RNF187: variants seen among roughly 807,000 people sequenced by gnomAD.
RNF187 encodes ring finger protein 187.
RNF187 carries 18 observed loss-of-function variants against 22.2 expected under a neutral mutation model. That is an observed-to-expected ratio of 0.81 (90% CI 0.56 to 1.20). RNF187 has a LOEUF of 1.20. RNF187 is among the 50% of genes most tolerant of loss of function. RNF187 has a pLI of 0.00. For synonymous variants in RNF187, 164 were observed against 140.9 expected (o/e 1.16, Z -1.16); for missense variants, 329 against 317.6 (o/e 1.04, Z -0.27).
At chr1:228,488,902 G>T in intron 1 of RNF187, 58 bp from the exon 2 acceptor site, 1 of 1,368,412 alleles carries the variant, frequency 7.3e-7, no homozygotes. Flanking sequence ...TCAGTACTGG[G>T]CTGGGTTGGG....
Position 228,493,826 on chromosome 1 carries a change from T to G in RNF187, c.706-57T>G. 2.0e-6 allele frequency: 3 copies of G among 1,532,334 alleles called. No homozygotes were observed. 94.9% of individuals were successfully genotyped at this position (1,532,334 alleles called of 1,614,324 possible). ...CTCTCCTTTTGCCTCTGTCTCTGAC[T>G]CTGTGTGTCTCTTTCTCTTTTTGTC... On this transcript the variant is annotated intron_variant, in intron 3 of 3. Transcript: ENST00000305943. This position sits in a 1 kb window ranked among gnomAD's most constrained non-coding sequence, Gnocchi z 4.7.
In RNF187 at chr1:228,487,854, C is replaced by T. The variant is rs1451545775; in HGVS notation, c.366C>T (p.Arg122=). ...CCGAGCCGCCCGAGTGGGAACCGCG[C>T]TGGAGGAAGGCGCTGCGCGGCAAGG... is the stretch of plus-strand genomic sequence containing the variant. Residue 122 remains arginine (R), a synonymous_variant, in exon 1 of 4, where the codon CGC becomes CGT. Transcript: ENST00000305943. The T allele has an allele frequency of 4.1e-6, 5 of 1,231,830 alleles. No homozygotes were observed. Among genetic ancestry groups the T allele is most frequent in the Non-Finnish European group, 4.1e-6 (4 of 981,832 alleles). 76.3% of individuals were successfully genotyped at this position (1,231,830 alleles called of 1,614,324 possible).
chr1:228,494,356 T>G lies in RNF187; in HGVS notation c.*471T>G. 9.7e-7 allele frequency: 1 copy of G among 1,026,340 alleles called. No homozygotes were observed. Among genetic ancestry groups the G allele is most frequent in the Non-Finnish European group, 1.2e-6 (1 of 853,632 alleles). The allele number at this position is 1,026,340 out of a possible 1,614,324, so 63.6% of individuals were successfully genotyped here. On this transcript the variant is annotated 3_prime_UTR_variant, in exon 4 of 4. Transcript: ENST00000305943. Reference sequence around the variant, plus strand: ...CATGACGCTCTGTGAAGGCTGGAACTCAGGTCTTCAGGGAGAGAAAGGAAG... The same window carrying G: ...CATGACGCTCTGTGAAGGCTGGAACGCAGGTCTTCAGGGAGAGAAAGGAAG...
At chr1:228,490,632 C>T in intron 2 of RNF187, among the ~76,000 whole-genome samples, 1,932 of 152,328 alleles carry the variant, frequency 0.013, 38 homozygotes, top group African/African-American at 0.036. Context: ...TTTGCATTCT[C>T]AGCAACAAAA....
At chr1:228,488,822 C>A in intron 1 of RNF187, 138 bp from the exon 2 acceptor site, 1 of 673,456 alleles carries the variant, frequency 1.5e-6, no homozygotes, top group Admixed American at 2.5e-5. Flanking sequence ...CGTTCCTGCC[C>A]TAGACAACCG....
chr1:228,489,084 G>A, intron 2 of RNF187, 32 bp downstream of exon 2: 1 of 1,516,782 alleles, frequency 6.6e-7, no homozygotes, highest in Non-Finnish European at 8.9e-7. Context: ...AGCCTGGAAT[G>A]AGGGGACTGT....
intron 1 of RNF187, among the ~76,000 whole-genome samples, 157 bp from the exon 2 acceptor site, chr1:228,488,803 C>G: frequency 1.2e-4 from 19 of 152,274 alleles, no homozygotes; most frequent in Non-Finnish European, 2.5e-4. Context: ...AACCTTTTGA[C>G]TGCCTGTGCG....
Position 228,494,428 on chromosome 1 carries a change from A to G in RNF187, c.*543A>G. On this transcript the variant is annotated 3_prime_UTR_variant, in exon 4 of 4. Transcript: ENST00000305943. ...TCCTGAGGAGGCGGCCCCCCTCTTG[A>G]GGTGGGCGTGGGCCCGGCCCAGCCT... 1.0e-5 allele frequency: 10 copies of G among 994,540 alleles called. No homozygotes were observed. The highest frequency in any genetic ancestry group is 1.2e-5 in the Non-Finnish European group (10 of 834,952). 61.6% of individuals were successfully genotyped at this position (994,540 alleles called of 1,614,324 possible).
chr1:228,494,056 G>A lies in RNF187; in HGVS notation c.*171G>A. ...CCATTTATCCTTCACCCCGAGGCGT[G>A]TTTTGGGGGCTGCAAACACCTCCCG... On this transcript the variant is annotated 3_prime_UTR_variant, in exon 4 of 4. Coordinates refer to ENST00000305943, the MANE Select transcript of RNF187 (RefSeq NM_001010858.3). The A allele has an allele frequency of 6.6e-7, 1 of 1,510,766 alleles. No individual in the cohort carries two copies. Among genetic ancestry groups the A allele is most frequent in the East Asian group, 2.5e-5 (1 of 40,516 alleles). The allele number at this position is 1,510,766 out of a possible 1,614,324, so 93.6% of individuals were successfully genotyped here.
At position 228,494,890 on chromosome 1, in the gene RNF187, G is replaced by T; in HGVS notation, c.*1005G>T. 1 of 985,280 alleles carries T rather than the reference G, an allele frequency of 1.0e-6. No homozygotes were observed. 61.0% of individuals were successfully genotyped at this position (985,280 alleles called of 1,614,324 possible). A position where few individuals can be genotyped will look rare whatever the true frequency, so the allele number is the denominator to read the frequency against. ...AGCCTTTCAGCCCTTCTGAGTCCCC[G>T]GCCCTTGGTGCGATGTCTGTGAGTT... On this transcript the variant is annotated 3_prime_UTR_variant, in exon 4 of 4. Coordinates refer to ENST00000305943, the MANE Select transcript of RNF187 (RefSeq NM_001010858.3).
Position 228,493,491 on chromosome 1 carries a change from C to T in RNF187, c.705+217C>T. 1.3e-5 allele frequency among the ~76,000 whole-genome samples: 2 copies of T among 152,228 alleles called. No homozygotes were observed. Among genetic ancestry groups the T allele is most frequent in the Non-Finnish European group, 2.9e-5 (2 of 68,036 alleles). On this transcript the variant is annotated intron_variant, in intron 3 of 3. Transcript: ENST00000305943. This position sits in a 1 kb window ranked among gnomAD's most constrained non-coding sequence, Gnocchi z 4.7. ...GAGGAGGGTCTGAGGTGTCCCTGAC[C>T]TTCACAAAGGAGGGCACTTGGCATC...
In RNF187 at chr1:228,495,048, C is replaced by G; in HGVS notation, c.*1163C>G. The stretch of plus-strand genomic sequence containing the variant: ...CACCCTCCAGTGTCAAAGGAAACTT[C>G]CTCGTGACACGTGCTAAAGCATGGT... On this transcript the variant is annotated 3_prime_UTR_variant, in exon 4 of 4. Transcript: ENST00000305943. 1 of 984,490 alleles carries G rather than the reference C, an allele frequency of 1.0e-6. No individual in the cohort carries two copies. Among genetic ancestry groups the G allele is most frequent in the African/African-American group, 1.7e-5 (1 of 57,336 alleles). The allele number at this position is 984,490 out of a possible 1,614,324, so 61.0% of individuals were successfully genotyped here.
chr1:228,488,819 G>GCCCTAGACAAC, intron 1 of RNF187, 141 bp from the exon 2 acceptor site: 1 of 660,102 alleles, frequency 1.5e-6, no homozygotes, highest in Non-Finnish European at 2.6e-6. Context: ...GTGCGTTCCT[G>GCCCTAGACAAC]CCCTAGACAA....
chr1:228,495,680 A>G lies in RNF187; in HGVS notation c.*1795A>G. The G allele has an allele frequency of 5.1e-6, 5 of 985,480 alleles. No individual in the cohort carries two copies. The highest frequency in any genetic ancestry group is 6.0e-6 in the Non-Finnish European group (5 of 829,918). The allele number at this position is 985,480 out of a possible 1,614,324, so 61.0% of individuals were successfully genotyped here. ...GTCCGACAGTGGCTTCACCATCCTC[A>G]CCTAACCTAGCTGACCAGCAACATC... On this transcript the variant is annotated 3_prime_UTR_variant, in exon 4 of 4. Coordinates refer to ENST00000305943, the MANE Select transcript of RNF187 (RefSeq NM_001010858.3).
At position 228,487,496 on chromosome 1, in the gene RNF187, T is replaced by A; in HGVS notation, c.8T>A (p.Leu3His). Reference sequence around the variant, plus strand: ...GCCCCGCCGCCCGCAGCCCTGGCGCTCCCTGCGGGCCCCGCCGAGGCCGCC... The same window carrying A: ...GCCCCGCCGCCCGCAGCCCTGGCGCACCCTGCGGGCCCCGCCGAGGCCGCC... Residue 3 changes from leucine to histidine, a missense_variant, in exon 1 of 4, where the codon CTC becomes CAC. Coordinates refer to ENST00000305943, the MANE Select transcript of RNF187 (RefSeq NM_001010858.3). 8.9e-7 allele frequency: 1 copy of A among 1,128,028 alleles called. No homozygotes were observed. The highest frequency in any genetic ancestry group is 1.1e-6 in the Non-Finnish European group (1 of 924,446). The allele number at this position is 1,128,028 out of a possible 1,614,324, so 69.9% of individuals were successfully genotyped here.
chr1:228,494,400 G>A lies in RNF187; in HGVS notation c.*515G>A. ...AAGGAAGACTGGATTGCACCTTGAT[G>A]CCTCCTGAGGAGGCGGCCCCCCTCT... On this transcript the variant is annotated 3_prime_UTR_variant, in exon 4 of 4. Transcript: ENST00000305943. 6.0e-6 allele frequency: 6 copies of A among 1,003,222 alleles called. No individual in the cohort carries two copies. The highest frequency in any genetic ancestry group is 7.1e-6 in the Non-Finnish European group (6 of 839,802). 62.1% of individuals were successfully genotyped at this position (1,003,222 alleles called of 1,614,324 possible). A position where few individuals can be genotyped will look rare whatever the true frequency, so the allele number is the denominator to read the frequency against.
In RNF187 at chr1:228,494,714, C is replaced by A; in HGVS notation, c.*829C>A. The A allele has an allele frequency of 1.0e-6, 1 of 985,580 alleles. No individual in the cohort carries two copies. Among genetic ancestry groups the A allele is most frequent in the Non-Finnish European group, 1.2e-6 (1 of 830,030 alleles). The allele number at this position is 985,580 out of a possible 1,614,324, so 61.1% of individuals were successfully genotyped here. On this transcript the variant is annotated 3_prime_UTR_variant, in exon 4 of 4. Transcript: ENST00000305943. ...AATTTTGCAAAGCTTGTAGCAGTAG[C>A]TCAGTTGCCTGCAGCATCCTTGTGT...
intron 2 of RNF187, 137 bp downstream of exon 2, chr1:228,489,189 A>T: frequency 1.6e-6 from 1 of 630,118 alleles, no homozygotes; most frequent in Non-Finnish European, 2.7e-6. Flanking sequence ...CTCTGGACTT[A>T]AGTGAGCTTC....
intron 2 of RNF187, among the ~76,000 whole-genome samples, chr1:228,491,243 A>C: frequency 6.6e-6 from 1 of 151,934 alleles, no homozygotes; most frequent in Admixed American, 6.6e-5. Flanking sequence ...TTAATAAATT[A>C]GCCAGGTATG....
Sources: allele counts gnomAD v4.1 joint callset (sites outside exome capture counted in the v4.1 genomes callset), GRCh38; gene constraint gnomAD v4.1.1; non-coding constraint Gnocchi (gnomAD v3.1); transcripts MANE v1.5; gene names NCBI Gene and HGNC (gene_info 2026-07-23, HGNC 2026-07-21).